The following CHD6 variants were observed in gnomAD, a reference collection of about 807,000 sequenced individuals.
CHD6 encodes the protein chromodomain helicase DNA binding protein 6, also known as ATP-dependent chromatin remodeler CHD6.
In CHD6, 50 loss-of-function variants were observed where a neutral mutation model predicts 276.9. The observed-to-expected ratio is 0.18, with a 90% confidence interval of 0.14 to 0.23. The LOEUF (loss-of-function observed/expected upper bound fraction) is 0.23, where lower values mean the gene tolerates loss of function less well. Ranked by LOEUF, CHD6 falls within the 10% of genes least tolerant of loss-of-function variation. The pLI is 1.00. For missense variants in CHD6, 2,564 were observed against 3,365.8 expected (o/e 0.76, Z 5.89); for synonymous variants, 1,173 against 1,229.3 (o/e 0.95, Z 0.96).
chr20:41,481,124 T>A (rs545650551), intron 16 of CHD6, among the ~76,000 whole-genome samples: 3,326 of 151,346 alleles, frequency 0.022, 47 homozygotes, highest in Admixed American at 0.03. Flanking sequence ...AAAAAAAATA[T>A]ATATATATAT....
At chr20:41,530,448 G>T (rs1362722210) in intron 3 of CHD6, among the ~76,000 whole-genome samples, 2 of 152,128 alleles carry the variant, frequency 1.3e-5, no homozygotes, top group African/African-American at 2.4e-5. Context: ...TATTACCAGG[G>T]TCTAATCGAT....
rs138261196 is a variant in CHD6 at position 41,515,633 on chromosome 20, G to A, written c.555-681C>T. Among the ~76,000 whole-genome samples the A allele has an allele frequency of 2.8e-3, 427 of 152,262 alleles. 2 individuals carry two copies. The highest frequency in any genetic ancestry group is 9.5e-3 in the African/African-American group (395 of 41,546). ...CCCAAAGCACTTCCAACTATACTTT[G>A]CTTAAACGACCTTTCACCAGAATTA... On this transcript the variant is annotated intron_variant, in intron 3 of 36. Coordinates refer to ENST00000373233, the MANE Select transcript of CHD6 (RefSeq NM_032221.5).
chr20:41,448,995 G>C (rs922928738), intron 23 of CHD6, among the ~76,000 whole-genome samples: 4 of 151,176 alleles, frequency 2.6e-5, no homozygotes, highest in African/African-American at 9.7e-5. Context: ...TCCCCCTCCT[G>C]GGTTCAAGCG....
At chr20:41,539,092 C>T (rs1032043943) in intron 2 of CHD6, among the ~76,000 whole-genome samples, 2 of 152,176 alleles carry the variant, frequency 1.3e-5, no homozygotes, top group East Asian at 3.9e-4. Flanking sequence ...AGGAAACCTG[C>T]TTGGGTAATG....
At position 41,452,747 on chromosome 20, in the gene CHD6, T is replaced by G; in HGVS notation, c.3316A>C (p.Ile1106Leu). The change falls in exon 21 of 37, where the codon ATC becomes CTC. Residue 1106 changes from isoleucine to leucine, a missense_variant. Coordinates refer to ENST00000373233, the MANE Select transcript of CHD6 (RefSeq NM_032221.5). This position sits in a 1 kb window ranked among gnomAD's most constrained non-coding sequence, Gnocchi z 4.2. ...ECFRVEKNLL[I>L]FGWGRWKDIL... ...AGCAGAGCCAATACCCACCCAAAGA[T>G]GAGCAGGTTCTTCTCTACCCGGAAG... The G allele has an allele frequency of 6.2e-7, 1 of 1,612,618 alleles. No homozygotes were observed. The highest frequency in any genetic ancestry group is 8.5e-7 in the Non-Finnish European group (1 of 1,179,708).
chr20:41,533,595 T>C, intron 2 of CHD6, 25 bp from the exon 3 acceptor site: 1 of 1,558,072 alleles, frequency 6.4e-7, no homozygotes, highest in South Asian at 1.2e-5. Flanking sequence ...GAAACAAGCA[T>C]ATTACCCTTC....
rs201311636 is a variant in CHD6 at position 41,452,049 on chromosome 20, T to C, written c.3324-24A>G. The C allele has an allele frequency of 6.7e-4, 1,064 of 1,597,266 alleles. 4 individuals are homozygous for C. Among genetic ancestry groups the C allele is most frequent in the Middle Eastern group, 6.1e-3 (37 of 6,034 alleles). On this transcript the variant is annotated intron_variant, in intron 21 of 36. Coordinates refer to ENST00000373233, the MANE Select transcript of CHD6 (RefSeq NM_032221.5). This position sits in a 1 kb window ranked among gnomAD's most constrained non-coding sequence, Gnocchi z 4.2. ...AGCTGACAGTGGACATACAGACAGG[T>C]GTTGGAGGGAGAATGGACCAGGCCA... is the stretch of plus-strand genomic sequence containing the variant.
chr20:41,437,278 T>C lies in CHD6; in HGVS notation c.4064A>G (p.Gln1355Arg). 6.2e-7 allele frequency: 1 copy of C among 1,612,086 alleles called. No individual in the cohort carries two copies. Among genetic ancestry groups the C allele is most frequent in the Non-Finnish European group, 8.5e-7 (1 of 1,178,194 alleles). The change falls in exon 27 of 37, where the codon CAA (glutamine) becomes CGA (arginine). Residue 1355 changes from glutamine (Q) to arginine (R), a missense_variant. Around this residue, in one of 7 missense-constraint regions of CHD6, gnomAD observed 515 missense variants for 739.5 expected, o/e 0.70. Coordinates refer to ENST00000373233, the MANE Select transcript of CHD6 (RefSeq NM_032221.5). The part of the protein sequence containing the change: ...AEDKVDGLQK[Q>R]TESSSDGGDG... The stretch of plus-strand genomic sequence containing the variant: ...AATACTGCACATTTGACTCACCGTT[T>C]GTTTCTGGAGGCCATCTACTTTGTC...
At chr20:41,438,503 T>C (rs554621840) in intron 26 of CHD6, among the ~76,000 whole-genome samples, 3 of 152,108 alleles carry the variant, frequency 2.0e-5, no homozygotes, top group African/African-American at 7.2e-5. Context: ...GGCAGGAGAA[T>C]TGCTTGAAAC....
Position 41,533,109 on chromosome 20 carries a change from C to A in CHD6, c.495G>T (p.Glu165Asp), listed in dbSNP as rs1387864100. The A allele has an allele frequency of 2.5e-6, 4 of 1,613,502 alleles. No individual in the cohort carries two copies. The Admixed American group carries it at 6.7e-5, about 27-fold the overall frequency. The change falls in exon 3 of 37, where the codon GAG (glutamate) becomes GAT (aspartate). Residue 165 changes from glutamate to aspartate, a missense_variant. By Grantham distance (45) the Glu-to-Asp change is conservative. Transcript: ENST00000373233. ...CAGTGCAGCTCCTCTTCTCTTTGGC[C>A]TCCTTGGTGCCCGAGGCCTCCCGGG... ...RKPREASGTK[E>D]AKEKRSCTDS...
At chr20:41,576,146 C>G (rs1477545559) in intron 1 of CHD6, among the ~76,000 whole-genome samples, 1 of 151,956 alleles carries the variant, frequency 6.6e-6, no homozygotes, top group Non-Finnish European at 1.5e-5. Context: ...AATGTTTTTG[C>G]AGGAAGACAC....
Position 41,514,818 on chromosome 20 carries a change from G to A in CHD6, c.689C>T (p.Ser230Phe). 1 of 1,613,946 alleles carries A rather than the reference G, an allele frequency of 6.2e-7. No homozygotes were observed. Among genetic ancestry groups the A allele is most frequent in the Non-Finnish European group, 8.5e-7 (1 of 1,179,916 alleles). The change falls in exon 4 of 37, where the codon TCT becomes TTT. Residue 230 changes from serine (S) to phenylalanine (F), a missense_variant. Ser to Phe is a radical substitution (Grantham distance 155, BLOSUM62 -2). This residue lies in a region of CHD6 where 286 missense variants were observed against 297.8 expected (regional missense o/e 0.96). Transcript: ENST00000373233. ...TCACAGCTGTACCTGGCTGTCTGTAGACTCAGTGGACTCCTCAGGACTCCG... is the reference window on the plus strand; with the variant it reads ...TCACAGCTGTACCTGGCTGTCTGTAAACTCAGTGGACTCCTCAGGACTCCG... Reference protein sequence around the residue: ...SLRSPEESTESTDSQKRRSGR... With the variant: ...SLRSPEESTEFTDSQKRRSGR...
At chr20:41,562,118 A>C (rs1032217588) in intron 1 of CHD6, among the ~76,000 whole-genome samples, 3 of 152,156 alleles carry the variant, frequency 2.0e-5, no homozygotes, top group Non-Finnish European at 4.4e-5. Context: ...AAAACAAAAA[A>C]AAAACTCTTC....
At chr20:41,413,550 A>G (rs2046907426) in intron 34 of CHD6, 35 bp from the exon 35 acceptor site, 1 of 1,431,108 alleles carries the variant, frequency 7.0e-7, no homozygotes. Flanking sequence ...TATAATCACG[A>G]CACAATGAAA....
intron 1 of CHD6, among the ~76,000 whole-genome samples, chr20:41,557,629 T>C (rs529833664): frequency 1.8e-3 from 280 of 152,198 alleles, no homozygotes; most frequent in Non-Finnish European, 3.5e-3. Flanking sequence ...AGTCCAAGGG[T>C]CGACTGCATT....
chr20:41,484,901 T>A (rs1318009303), intron 14 of CHD6, among the ~76,000 whole-genome samples: 1 of 152,132 alleles, frequency 6.6e-6, no homozygotes, highest in Non-Finnish European at 1.5e-5. Context: ...AGAAAACATG[T>A]CTCTCTGTCA....
chr20:41,481,788 C>T (rs1186641915), intron 16 of CHD6, among the ~76,000 whole-genome samples: 4 of 151,370 alleles, frequency 2.6e-5, no homozygotes, highest in African/African-American at 9.7e-5. Flanking sequence ...AATAGAGTAT[C>T]ACATAGATCA....
At chr20:41,571,985 T>C (rs1384379255) in intron 1 of CHD6, among the ~76,000 whole-genome samples, 4 of 152,220 alleles carry the variant, frequency 2.6e-5, no homozygotes, top group Admixed American at 1.3e-4. Flanking sequence ...GTAGATTAGT[T>C]TTACCTGTCC....
intron 17 of CHD6, among the ~76,000 whole-genome samples, chr20:41,467,552 T>G (rs1344695971): frequency 7.6e-6 from 1 of 131,548 alleles, no homozygotes; most frequent in Admixed American, 8.2e-5. Context: ...ATAACGACGT[T>G]CTGACAATGA....
Sources: allele counts gnomAD v4.1 joint callset (sites outside exome capture counted in the v4.1 genomes callset), GRCh38; gene constraint gnomAD v4.1.1; regional missense constraint gnomAD v4.1.1; non-coding constraint Gnocchi (gnomAD v3.1); transcripts MANE v1.5; gene names NCBI Gene and HGNC (gene_info 2026-07-23, HGNC 2026-07-21).